Variants in PTPRN2 observed in about 807,000 individuals in gnomAD.
PTPRN2 encodes protein tyrosine phosphatase receptor type N2.
In PTPRN2, 74 loss-of-function variants were observed where a neutral mutation model predicts 118.8. That is an observed-to-expected ratio of 0.62 (90% CI 0.52 to 0.76). The LOEUF is 0.76. Ranked by LOEUF, PTPRN2 falls within the 30% of genes least tolerant of loss-of-function variation. PTPRN2 has a pLI of 0.00. For synonymous variants in PTPRN2, 641 were observed against 608.0 expected (o/e 1.05, Z -0.80); for missense variants, 1,481 against 1,394.4 (o/e 1.06, Z -0.99).
chr7:157,943,723 G>A (rs1449432883), intron 11 of PTPRN2, among the ~76,000 whole-genome samples: 4 of 150,892 alleles, frequency 2.7e-5, no homozygotes, highest in Admixed American at 1.3e-4. Context: ...CTACCCTGAC[G>A]CCAAGGCCCC....
intron 2 of PTPRN2, among the ~76,000 whole-genome samples, chr7:158,409,246 G>A (rs1326579883): frequency 1.3e-5 from 2 of 152,342 alleles, no homozygotes; most frequent in East Asian, 1.9e-4. Flanking sequence ...TGGGGCCCAC[G>A]CTGACCTCTG....
chr7:158,428,326 G>T (rs1476488677), intron 2 of PTPRN2, among the ~76,000 whole-genome samples: 1 of 152,208 alleles, frequency 6.6e-6, no homozygotes, highest in Non-Finnish European at 1.5e-5. Context: ...CCTGCTCTTG[G>T]TGGCTCAGAA....
At chr7:157,855,057 T>G (rs1432199621) in intron 12 of PTPRN2, among the ~76,000 whole-genome samples, 6 of 107,418 alleles carry the variant, frequency 5.6e-5, no homozygotes, top group African/African-American at 1.1e-4. Context: ...GGGGTGTGTG[T>G]GGGGCTGGAT....
At chr7:158,152,173 CAAAAAAA>C (rs56870265) in intron 6 of PTPRN2, among the ~76,000 whole-genome samples, 1 of 83,366 alleles carries the variant, frequency 1.2e-5, no homozygotes, top group Non-Finnish European at 2.2e-5. Context: ...GACTCTGTCT[CAAAAAAA>C]AAAAAAAAAA....
In PTPRN2 at chr7:158,425,252, G is replaced by A. The variant is rs796518801; in HGVS notation, c.163+64483C>T. Among the ~76,000 whole-genome samples, 125 of 12,564 alleles carry A rather than the reference G, an allele frequency of 9.9e-3. 7 individuals carry two copies. Among genetic ancestry groups the A allele is most frequent in the African/African-American group, 0.037 (125 of 3,410 alleles). The allele number at this position is 12,564 out of a possible 152,430, so 8.2% of individuals were successfully genotyped here. On this transcript the variant is annotated intron_variant, in intron 2 of 22. Transcript: ENST00000389418. ...GCCTAGCTGAGGCCTGCGCACCGCC[G>A]GGAAAGACGCGGGGTCCGAGACCAG... is the stretch of plus-strand genomic sequence containing the variant.
intron 11 of PTPRN2, among the ~76,000 whole-genome samples, chr7:157,928,459 G>A (rs1799155423): frequency 6.6e-6 from 1 of 152,160 alleles, no homozygotes; most frequent in Non-Finnish European, 1.5e-5. Context: ...TTCTTGTGAT[G>A]GTGGGATGGA....
chr7:158,152,043 A>G (rs535714499), intron 6 of PTPRN2, among the ~76,000 whole-genome samples: 5 of 152,098 alleles, frequency 3.3e-5, no homozygotes, highest in South Asian at 2.1e-4. Context: ...GCGTGGTGGC[A>G]GACGCCTGTA....
chr7:157,885,104 C>T (rs1275824550), intron 12 of PTPRN2, among the ~76,000 whole-genome samples: 2 of 152,144 alleles, frequency 1.3e-5, no homozygotes, highest in Non-Finnish European at 2.9e-5. Context: ...TTTTTCTTCC[C>T]CACACAGAGT....
At chr7:158,527,270 C>T (rs1021519067) in intron 1 of PTPRN2, among the ~76,000 whole-genome samples, 2 of 152,022 alleles carry the variant, frequency 1.3e-5, no homozygotes, top group African/African-American at 4.8e-5. Flanking sequence ...CCCCACAAGG[C>T]GCGTCCTGGG....
chr7:158,520,253 C>G (rs974882645), intron 1 of PTPRN2, among the ~76,000 whole-genome samples: 4 of 152,200 alleles, frequency 2.6e-5, no homozygotes, highest in African/African-American at 9.7e-5. Context: ...GGTGCATTGG[C>G]AGCCTGGGTC....
At chr7:158,279,788 C>T (rs1394446038) in intron 3 of PTPRN2, among the ~76,000 whole-genome samples, 5 of 152,204 alleles carry the variant, frequency 3.3e-5, no homozygotes, top group African/African-American at 4.8e-5. Flanking sequence ...CCCCACAGTG[C>T]AGCAGCGGGC....
intron 11 of PTPRN2, among the ~76,000 whole-genome samples, chr7:158,014,532 T>TCCATCCACCTACCCATCC (rs1806296403): frequency 6.6e-6 from 1 of 151,728 alleles, no homozygotes; most frequent in African/African-American, 2.4e-5. Context: ...ACTACCCATC[T>TCCATCCACCTACCCATCC]ATCCATCCAC....
intron 10 of PTPRN2, among the ~76,000 whole-genome samples, chr7:158,088,114 T>C (rs377492280): frequency 3.7e-5 from 2 of 53,454 alleles, no homozygotes; most frequent in African/African-American, 7.5e-5. Context: ...ACAAACCTTC[T>C]TCCCCTGAGG....
At chr7:157,644,081 T>A (rs910193757) in intron 14 of PTPRN2, among the ~76,000 whole-genome samples, 1 of 151,122 alleles carries the variant, frequency 6.6e-6, no homozygotes, top group Non-Finnish European at 1.5e-5. Flanking sequence ...CTAGAATCCA[T>A]GTGCTGCCTC....
rs905554932 is a variant in PTPRN2, at chr7:157,785,804, C to T, written c.1789-102867G>A. Among the ~76,000 whole-genome samples the T allele has an allele frequency of 6.6e-5, 10 of 152,288 alleles. No homozygotes were observed. The highest frequency in any genetic ancestry group is 3.9e-4 in the East Asian group (2 of 5,170). On this transcript the variant is annotated intron_variant, in intron 12 of 22. Transcript: ENST00000389418. This position sits in a 1 kb window ranked among gnomAD's most constrained non-coding sequence, Gnocchi z 7.3. ...TGCCACGCCCGGCTGGGAGCTGAGA[C>T]GCGCAGGGGGCCCAGCTGAAGCCTG...
chr7:158,361,934 T>G (rs1310791778), intron 2 of PTPRN2, among the ~76,000 whole-genome samples: 2 of 152,176 alleles, frequency 1.3e-5, no homozygotes, highest in African/African-American at 4.8e-5. Context: ...GCCTGGACCC[T>G]GCCTATGGAG....
intron 2 of PTPRN2, among the ~76,000 whole-genome samples, chr7:158,323,999 G>A (rs1047110231): frequency 6.6e-6 from 1 of 151,840 alleles, no homozygotes; most frequent in Non-Finnish European, 1.5e-5. Flanking sequence ...ACACTCATTT[G>A]CATGCACTTG....
chr7:158,323,721 G>A (rs1224346998), intron 2 of PTPRN2, among the ~76,000 whole-genome samples: 5 of 152,216 alleles, frequency 3.3e-5, no homozygotes, highest in East Asian at 1.9e-4. Context: ...ATTCGCAAGC[G>A]TCACTGTCCC....
At chr7:158,283,345 G>A (rs7809422) in intron 3 of PTPRN2, among the ~76,000 whole-genome samples, 39,390 of 151,922 alleles carry the variant, frequency 0.26, 5,474 homozygotes, top group East Asian at 0.41. Context: ...AGCAGGCCCC[G>A]TCTGCAGTTC....
Sources: allele counts gnomAD v4.1 joint callset (sites outside exome capture counted in the v4.1 genomes callset), GRCh38; gene constraint gnomAD v4.1.1; non-coding constraint Gnocchi (gnomAD v3.1); transcripts MANE v1.5; gene names NCBI Gene and HGNC (gene_info 2026-07-23, HGNC 2026-07-21).